DYNC2H1: variants seen among roughly 807,000 people sequenced by gnomAD.
DYNC2H1 encodes the protein dynein cytoplasmic 2 heavy chain 1, also known as cytoplasmic dynein 2 heavy chain 1.
Under a neutral mutation model 570.0 loss-of-function variants are expected in DYNC2H1, and 410 were observed. That is an observed-to-expected ratio of 0.72 (90% CI 0.66 to 0.78). The LOEUF is 0.78. DYNC2H1 is among the 30% of genes least tolerant of loss of function. The probability of loss-of-function intolerance (pLI) is 0.00; values close to 1 mark genes in which losing one functional copy is unlikely to be tolerated. For missense variants in DYNC2H1, 4,865 were observed against 5,046.4 expected (o/e 0.96, Z 1.09); for synonymous variants, 1,688 against 1,677.6 (o/e 1.01, Z -0.15).
rs10895417 is a variant in DYNC2H1 at position 103,399,879 on chromosome 11, G to A, written c.12366+7G>A. 0.47 allele frequency: 756,041 copies of A among 1,605,638 alleles called. 180,693 individuals carry two copies. The highest frequency in any genetic ancestry group is 0.62 in the African/African-American group (46,533 of 74,762). On this transcript the variant is annotated splice_region_variant and intron_variant, in intron 84 of 88. Coordinates refer to ENST00000375735, the MANE Select transcript of DYNC2H1 (RefSeq NM_001377.3). The stretch of plus-strand genomic sequence containing the variant: ...TGCTTTATTAAACCAAAAGGTAAGC[G>A]AGTACTAACTGTATGTATTTTTATT...
intron 83 of DYNC2H1, among the ~76,000 whole-genome samples, chr11:103,396,270 G>A (rs1232118989): frequency 6.6e-6 from 1 of 152,126 alleles, no homozygotes; most frequent in Non-Finnish European, 1.5e-5. Context: ...TAGTTGAGAG[G>A]TTGGCAAACT....
intron 82 of DYNC2H1, among the ~76,000 whole-genome samples, chr11:103,340,722 T>C (rs1273095885): frequency 6.6e-6 from 1 of 152,126 alleles, no homozygotes; most frequent in Non-Finnish European, 1.5e-5. Flanking sequence ...TCTTGGATTG[T>C]GAGGCCGTGT....
chr11:103,245,190 G>A lies in DYNC2H1; in HGVS notation c.9919-61G>A. ...AAATTACTGTAGAAAATCAAAGAAAGGATGTTTGTAAATATTAAAGTAATT... is the reference window on the plus strand; with the variant it reads ...AAATTACTGTAGAAAATCAAAGAAAAGATGTTTGTAAATATTAAAGTAATT... On this transcript the variant is annotated intron_variant, in intron 64 of 88. Coordinates refer to ENST00000375735, the MANE Select transcript of DYNC2H1 (RefSeq NM_001377.3). This position sits in a 1 kb window ranked among gnomAD's most constrained non-coding sequence, Gnocchi z 4.5. The A allele has an allele frequency of 3.8e-6, 5 of 1,318,192 alleles. No individual in the cohort carries two copies. 81.7% of individuals were successfully genotyped at this position (1,318,192 alleles called of 1,614,324 possible).
chr11:103,374,931 C>A (rs1206973759), intron 83 of DYNC2H1, among the ~76,000 whole-genome samples: 1 of 152,176 alleles, frequency 6.6e-6, no homozygotes, highest in Admixed American at 6.5e-5. Context: ...ATTGCCAAGA[C>A]AATGGGGAAA....
chr11:103,289,481 T>C lies in DYNC2H1; in HGVS notation c.11095+1876T>C, dbSNP rs11225657. 0.17 allele frequency among the ~76,000 whole-genome samples: 25,133 copies of C among 152,114 alleles called. 2,266 individuals carry two copies. Among genetic ancestry groups the C allele is most frequent in the Admixed American group, 0.25 (3,859 of 15,278 alleles). ...TCATAATTTCCTCAGTTATAATATT[T>C]GCAAAGGTGGTTTCAGTACCTGTAA... On this transcript the variant is annotated intron_variant, in intron 75 of 88. Coordinates refer to ENST00000375735, the MANE Select transcript of DYNC2H1 (RefSeq NM_001377.3). This position sits in a 1 kb window ranked among gnomAD's most constrained non-coding sequence, Gnocchi z 4.2.
Position 103,461,833 on chromosome 11 carries a change from T to TAGAAACATTC in DYNC2H1, c.12648+5478_12648+5487dup, listed in dbSNP as rs1448629692. Among the ~76,000 whole-genome samples the TAGAAACATTC allele has an allele frequency of 6.6e-6, 1 of 152,172 alleles. No homozygotes were observed. The highest frequency in any genetic ancestry group is 1.5e-5 in the Non-Finnish European group (1 of 68,020). ...CTGCATATTTCAAGGTTTTAAGATT[T>TAGAAACATTC]AGAAACATTCCACCTTTTTCTCTTT... On this transcript the variant is annotated intron_variant, in intron 87 of 88. Coordinates refer to ENST00000375735, the MANE Select transcript of DYNC2H1 (RefSeq NM_001377.3). The surrounding 1 kb of genome is among the most constrained non-coding windows in gnomAD (Gnocchi z 4.8).
chr11:103,254,516 G>A lies in DYNC2H1; in HGVS notation c.10207-899G>A, dbSNP rs187907730. Among the ~76,000 whole-genome samples, 1 of 152,298 alleles carries A rather than the reference G, an allele frequency of 6.6e-6. No homozygotes were observed. Among genetic ancestry groups the A allele is most frequent in the South Asian group, 2.1e-4 (1 of 4,826 alleles). On this transcript the variant is annotated intron_variant, in intron 66 of 88. Coordinates refer to ENST00000375735, the MANE Select transcript of DYNC2H1 (RefSeq NM_001377.3). This position sits in a 1 kb window ranked among gnomAD's most constrained non-coding sequence, Gnocchi z 4.9. ...ACCATACAACTTGCTGATTTAAAAT[G>A]TATAATTCAATGGTTTTTTTAGTGG... is the stretch of plus-strand genomic sequence containing the variant.
intron 80 of DYNC2H1, 96 bp from the exon 81 acceptor site, chr11:103,320,933 A>C (rs938072801): frequency 6.7e-6 from 6 of 891,336 alleles, no homozygotes; most frequent in South Asian, 1.8e-5. Flanking sequence ...TAGTTGTATT[A>C]AATACATTTG....
chr11:103,333,177 GTAT>G (rs1938914179), intron 82 of DYNC2H1, among the ~76,000 whole-genome samples: 1 of 152,134 alleles, frequency 6.6e-6, no homozygotes, highest in Non-Finnish European at 1.5e-5. Flanking sequence ...AATTATAAAA[GTAT>G]TTCCATATTT....
In DYNC2H1 at chr11:103,399,679, A is replaced by G; in HGVS notation, c.12173A>G (p.His4058Arg). ...KKLNQNSNLI[H>R]QKVPPPNDRQ... ...TTCTTTTAGAATTCAAACCTAATAC[A>G]TCAGAAAGTGCCTCCTCCTAACGAT... Residue 4058 changes from histidine (H) to arginine (R), a missense_variant, in exon 84 of 89, where the codon CAT becomes CGT. Around this residue, in one of 5 missense-constraint regions of DYNC2H1, gnomAD observed 2,401 missense variants for 2,454.6 expected, o/e 0.98. Coordinates refer to ENST00000375735, the MANE Select transcript of DYNC2H1 (RefSeq NM_001377.3). 1.2e-6 allele frequency: 2 copies of G among 1,612,860 alleles called. No individual in the cohort carries two copies.
chr11:103,156,326 AT>A, intron 25 of DYNC2H1, 61 bp from the exon 26 acceptor site: 1 of 1,437,156 alleles, frequency 7.0e-7, no homozygotes, highest in Non-Finnish European at 9.4e-7. Flanking sequence ...ATACTTTTCT[AT>A]TAATTACTTA....
intron 30 of DYNC2H1, among the ~76,000 whole-genome samples, chr11:103,165,158 C>T (rs1013110490): frequency 6.6e-6 from 1 of 152,170 alleles, no homozygotes; most frequent in Non-Finnish European, 1.5e-5. Flanking sequence ...AAGACAGCAG[C>T]TTAGCCTGCT....
chr11:103,207,246 A>ATG (rs1344183719), intron 52 of DYNC2H1, among the ~76,000 whole-genome samples: 1 of 38,956 alleles, frequency 2.6e-5, no homozygotes, highest in Non-Finnish European at 5.3e-5. Context: ...TTTTTTTAAA[A>ATG]AAAGATGGGA....
chr11:103,422,322 T>C (rs1186700092), intron 84 of DYNC2H1, among the ~76,000 whole-genome samples: 1 of 152,104 alleles, frequency 6.6e-6, no homozygotes, highest in East Asian at 1.9e-4. Flanking sequence ...AAGGAAAGAC[T>C]CTTCCCTAAC....
intron 74 of DYNC2H1, among the ~76,000 whole-genome samples, chr11:103,287,144 T>G (rs1193142953): frequency 1.1e-4 from 13 of 114,504 alleles, no homozygotes; most frequent in African/African-American, 3.6e-4. Context: ...GCTATTTCTA[T>G]TTTTTTTTTA....
chr11:103,123,144 A>G (rs796677714), intron 11 of DYNC2H1, 144 bp downstream of exon 11: 2 of 579,846 alleles, frequency 3.4e-6, no homozygotes, highest in African/African-American at 3.9e-5. Context: ...TTGATCATCA[A>G]CTTTTAATTC....
chr11:103,432,121 A>C (rs1008570420), intron 84 of DYNC2H1, among the ~76,000 whole-genome samples: 2 of 152,120 alleles, frequency 1.3e-5, no homozygotes, highest in Non-Finnish European at 2.9e-5. Flanking sequence ...TTCTTGATCC[A>C]GCCACTGAGC....
At chr11:103,141,564 G>T (rs1482228136) in intron 17 of DYNC2H1, among the ~76,000 whole-genome samples, 1 of 152,170 alleles carries the variant, frequency 6.6e-6, no homozygotes, top group Non-Finnish European at 1.5e-5. Context: ...TCCTCTGGAA[G>T]TTTTGTCTCA....
At chr11:103,282,373 G>A in intron 72 of DYNC2H1, 144 bp downstream of exon 72, 1 of 694,236 alleles carries the variant, frequency 1.4e-6, no homozygotes, top group South Asian at 1.9e-5. Context: ...GGCCTCTTAA[G>A]TATTTCCTAT....
Sources: gnomAD v4.1 joint callset for allele counts (sites outside exome capture counted in the v4.1 genomes callset) on GRCh38, gnomAD v4.1.1 for gene constraint, gnomAD v4.1.1 regional missense constraint, Gnocchi (gnomAD v3.1) non-coding constraint, MANE v1.5 for transcripts, NCBI Gene and HGNC (gene_info 2026-07-23, HGNC 2026-07-21) for gene names.